FAM120A: variants seen among roughly 807,000 people sequenced by gnomAD.
FAM120A encodes the protein constitutive coactivator of PPAR-gamma-like protein 1.
FAM120A carries 15 observed loss-of-function variants against 109.7 expected under a neutral mutation model. That is an observed-to-expected ratio of 0.14 (90% CI 0.09 to 0.21). The LOEUF (loss-of-function observed/expected upper bound fraction) is 0.21, where lower values mean the gene tolerates loss of function less well. Among genes scored for constraint, FAM120A ranks in the 10% least tolerant of loss-of-function variants. The pLI, the probability that FAM120A is intolerant of heterozygous loss-of-function variation, is 1.00. For missense variants in FAM120A, 899 were observed against 1,439.3 expected (o/e 0.62, Z 6.07); for synonymous variants, 493 against 572.8 (o/e 0.86, Z 1.99).
chr9:93,461,988 A>G (rs1857811587), intron 1 of FAM120A, among the ~76,000 whole-genome samples: 1 of 152,256 alleles, frequency 6.6e-6, no homozygotes, highest in East Asian at 1.9e-4. Flanking sequence ...ATCACATCAC[A>G]AGCAGTGTGT....
At position 93,452,114 on chromosome 9, in the gene FAM120A, A is replaced by G; in HGVS notation, c.199A>G (p.Ser67Gly). The G allele has an allele frequency of 1.2e-6, 2 of 1,610,396 alleles. No individual in the cohort carries two copies. Among genetic ancestry groups the G allele is most frequent in the Non-Finnish European group, 8.5e-7 (1 of 1,179,410 alleles). Reference protein sequence around the residue: ...LYGGFYTDWVSGGQWNHMLGY... With the variant: ...LYGGFYTDWVGGGQWNHMLGY... The stretch of plus-strand genomic sequence containing the variant: ...CGGCGGCTTCTACACCGACTGGGTC[A>G]GCGGCGGCCAGTGGAACCACATGCT... The change falls in exon 1 of 18, where the codon AGC (serine) becomes GGC (glycine). Residue 67 changes from serine (S) to glycine (G), a missense_variant. Ser to Gly is a moderately conservative substitution (Grantham distance 56). This residue lies in a region of FAM120A where 258 missense variants were observed against 451.4 expected (regional missense o/e 0.57). Transcript: ENST00000277165. This position sits in a 1 kb window ranked among gnomAD's most constrained non-coding sequence, Gnocchi z 7.0.
chr9:93,471,014 CTGTT>C (rs976695851), intron 1 of FAM120A, 123 bp from the exon 2 acceptor site: 32 of 1,126,380 alleles, frequency 2.8e-5, no homozygotes, highest in East Asian at 4.7e-5. Flanking sequence ...ATTTTTTTGA[CTGTT>C]TGGCTTTCAC....
In FAM120A at chr9:93,471,254, C is replaced by T. The variant is rs1395568025; in HGVS notation, c.588C>T (p.Tyr196=). Residue 196 remains tyrosine (Y), a synonymous_variant, in exon 2 of 18, where the codon TAC becomes TAT. Coordinates refer to ENST00000277165, the MANE Select transcript of FAM120A (RefSeq NM_014612.5). ...ATTATGCACTGTGCAACATCCCCTA[C>T]TATTTCAGTGCCCATGCCCTAAAAC... ...DSDYALCNIP[Y]YFSAHALKLS... 1 of 1,614,192 alleles carries T rather than the reference C, an allele frequency of 6.2e-7. No homozygotes were observed. The highest frequency in any genetic ancestry group is 2.2e-5 in the East Asian group (1 of 44,892).
chr9:93,464,400 G>A (rs529464408), intron 1 of FAM120A, among the ~76,000 whole-genome samples: 11 of 152,216 alleles, frequency 7.2e-5, no homozygotes, highest in South Asian at 4.1e-4. Context: ...GACCAGAAAC[G>A]GGCCCTTTTG....
In FAM120A at chr9:93,561,363, CT is replaced by C. The variant is rs534243314; in HGVS notation, c.2948+116del. ...TTTTTATATCATTAGATACATTCTTCTTTAATATCATTTGTATTTAATTATT... is the reference window on the plus strand; with the variant it reads ...TTTTTATATCATTAGATACATTCTTCTTAATATCATTTGTATTTAATTATT... On this transcript the variant is annotated intron_variant, in intron 16 of 17. Transcript: ENST00000277165. 7.0e-3 allele frequency: 6,361 copies of C among 914,692 alleles called. 39 individuals are homozygous for C. The highest frequency in any genetic ancestry group is 8.4e-3 in the Non-Finnish European group (5,193 of 619,018). The allele number at this position is 914,692 out of a possible 1,614,324, so 56.7% of individuals were successfully genotyped here. A position where few individuals can be genotyped will look rare whatever the true frequency, so the allele number is the denominator to read the frequency against.
chr9:93,451,911 C>G lies in FAM120A; in HGVS notation c.-5C>G. The G allele has an allele frequency of 7.7e-7, 1 of 1,294,814 alleles. No homozygotes were observed. The highest frequency in any genetic ancestry group is 9.7e-7 in the Non-Finnish European group (1 of 1,026,462). 80.2% of individuals were successfully genotyped at this position (1,294,814 alleles called of 1,614,324 possible). ...CGCACCCGCGCCCGCGCCCCCGCCG[C>G]CGCCATGGGCGTGCAGGGCTTCCAG... is the stretch of plus-strand genomic sequence containing the variant. On this transcript the variant is annotated 5_prime_UTR_variant, in exon 1 of 18. Transcript: ENST00000277165.
At chr9:93,471,492 C>T (rs1295714927) in intron 2 of FAM120A, 105 bp downstream of exon 2, 1 of 1,425,762 alleles carries the variant, frequency 7.0e-7, no homozygotes, top group African/African-American at 1.4e-5. Flanking sequence ...ATGTATCACA[C>T]ATTGAAAAGA....
intron 3 of FAM120A, among the ~76,000 whole-genome samples, chr9:93,489,442 G>A (rs924984460): frequency 2.0e-5 from 3 of 152,202 alleles, no homozygotes; most frequent in Admixed American, 2.0e-4. Context: ...GCACTTTTTT[G>A]TAAAGAGATC....
intron 5 of FAM120A, among the ~76,000 whole-genome samples, chr9:93,503,764 C>A (rs995254095): frequency 6.6e-5 from 10 of 151,702 alleles, no homozygotes; most frequent in African/African-American, 2.4e-4. Flanking sequence ...TTGGTTGGAA[C>A]AAATGTGTCA....
chr9:93,462,314 T>C lies in FAM120A; in HGVS notation c.475-8827T>C, dbSNP rs559127165. ...ATATTTTTTTGAGATGGAGTCTCGC[T>C]CTGTCACCAAGGCTGTAGCGCAGTA... On this transcript the variant is annotated intron_variant, in intron 1 of 17. Transcript: ENST00000277165. 4.6e-5 allele frequency among the ~76,000 whole-genome samples: 7 copies of C among 152,320 alleles called. No homozygotes were observed. The South Asian group carries it at 1.4e-3, about 32-fold the overall frequency.
intron 1 of FAM120A, among the ~76,000 whole-genome samples, chr9:93,464,511 G>A (rs1056638438): frequency 3.3e-5 from 5 of 152,136 alleles, no homozygotes; most frequent in Admixed American, 6.5e-5. Flanking sequence ...TTCCCATCCT[G>A]GCTGCCCCAG....
intron 7 of FAM120A, among the ~76,000 whole-genome samples, chr9:93,519,840 C>T (rs1310230305): frequency 1.3e-5 from 2 of 152,052 alleles, no homozygotes; most frequent in Non-Finnish European, 2.9e-5. Context: ...AAAAAAGCTT[C>T]CTATGAATTA....
At chr9:93,460,657 T>C (rs1857754038) in intron 1 of FAM120A, among the ~76,000 whole-genome samples, 1 of 152,228 alleles carries the variant, frequency 6.6e-6, no homozygotes, top group Admixed American at 6.5e-5. Flanking sequence ...ATTTTTATGT[T>C]TTCTCTAGAA....
chr9:93,542,531 A>G (rs1252928465), intron 10 of FAM120A, among the ~76,000 whole-genome samples: 2 of 152,214 alleles, frequency 1.3e-5, no homozygotes, highest in African/African-American at 2.4e-5. Flanking sequence ...TATTGTTTCC[A>G]TGTTACATCA....
chr9:93,486,527 T>C (rs1439987568), intron 3 of FAM120A, among the ~76,000 whole-genome samples: 1 of 151,240 alleles, frequency 6.6e-6, no homozygotes, highest in African/African-American at 2.4e-5. Context: ...CTTTTTCTTT[T>C]CTTTTTTCTT....
intron 3 of FAM120A, among the ~76,000 whole-genome samples, chr9:93,480,785 G>A (rs974968785): frequency 8.5e-5 from 13 of 152,144 alleles, no homozygotes; most frequent in African/African-American, 1.4e-4. Flanking sequence ...TGGACTCAGT[G>A]TTATAATTAG....
At position 93,561,186 on chromosome 9, in the gene FAM120A, C is replaced by T. The variant is rs772597728; in HGVS notation, c.2884C>T (p.Arg962Trp). The T allele has an allele frequency of 5.6e-6, 9 of 1,613,700 alleles. No homozygotes were observed. The highest frequency in any genetic ancestry group is 7.6e-6 in the Non-Finnish European group (9 of 1,179,912). Residue 962 changes from arginine (R) to tryptophan (W), a missense_variant, in exon 16 of 18, where the codon CGG (arginine) becomes TGG (tryptophan). Physicochemically the swap from Arg to Trp is moderately radical, Grantham distance 101. This residue lies in a region of FAM120A where 170 missense variants were observed against 205.0 expected (regional missense o/e 0.83). Coordinates refer to ENST00000277165, the MANE Select transcript of FAM120A (RefSeq NM_014612.5). ...GGTTGGCCATTGGGCTGGGAGCAGG[C>T]GGGGCCGTGGGGGCCGGGGGCCTTT... ...TVVGHWAGSR[R>W]GRGGRGPFPL...
At chr9:93,554,877 G>A (rs1369309237) in intron 12 of FAM120A, among the ~76,000 whole-genome samples, 1 of 152,168 alleles carries the variant, frequency 6.6e-6, no homozygotes, top group Non-Finnish European at 1.5e-5. Context: ...TAGAAGCAGC[G>A]GAGCCCCACC....
At chr9:93,517,059 C>G (rs1860629388) in intron 7 of FAM120A, among the ~76,000 whole-genome samples, 1 of 152,138 alleles carries the variant, frequency 6.6e-6, no homozygotes, top group Non-Finnish European at 1.5e-5. Context: ...TAGGTGTCAG[C>G]TTCCATGCCA....
Sources: allele counts gnomAD v4.1 joint callset (sites outside exome capture counted in the v4.1 genomes callset), GRCh38; gene constraint gnomAD v4.1.1; regional missense constraint gnomAD v4.1.1; non-coding constraint Gnocchi (gnomAD v3.1); transcripts MANE v1.5; gene names NCBI Gene and HGNC (gene_info 2026-07-23, HGNC 2026-07-21).